Variants in PTPRS observed in about 807,000 individuals in gnomAD.
PTPRS encodes the protein receptor-type tyrosine-protein phosphatase S.
Under a neutral mutation model 215.3 loss-of-function variants are expected in PTPRS, and 63 were observed. The ratio of observed to expected loss-of-function variants is 0.29; its 90% CI spans 0.24 to 0.36. The LOEUF (loss-of-function observed/expected upper bound fraction) is 0.36, where lower values mean the gene tolerates loss of function less well. PTPRS is among the 10% of genes least tolerant of loss of function. PTPRS has a pLI of 1.00. For synonymous variants in PTPRS, 1,404 were observed against 1,191.4 expected (o/e 1.18, Z -3.68); for missense variants, 2,258 against 2,825.8 (o/e 0.80, Z 4.56).
intron 2 of PTPRS, among the ~76,000 whole-genome samples, chr19:5,275,721 G>C (rs1010822213): frequency 1.2e-4 from 18 of 152,174 alleles, no homozygotes; most frequent in Non-Finnish European, 4.4e-5. Flanking sequence ...CAGAAGAATT[G>C]CTTGAACCTG....
rs148127268 is a variant in PTPRS, at chr19:5,307,067, G to C, written c.-94-20833C>G. Among the ~76,000 whole-genome samples, 41 of 152,324 alleles carry C rather than the reference G, an allele frequency of 2.7e-4. No homozygotes were observed. In the East Asian group the frequency reaches 6.6e-3, roughly 24 times the overall value. On this transcript the variant is annotated intron_variant, in intron 1 of 37. Coordinates refer to ENST00000262963, the MANE Select transcript of PTPRS (RefSeq NM_002850.4). ...CGCCTGCAATCCCAGCACTTTGGGA[G>C]GCTGAGGCAGGAAGATCACCTGAGG... is the stretch of plus-strand genomic sequence containing the variant.
rs906445533 is a variant in PTPRS at position 5,218,308 on chromosome 19, C to G, written c.4048+112G>C. The G allele has an allele frequency of 3.0e-5, 26 of 858,144 alleles. No homozygotes were observed. In the Admixed American group the frequency reaches 5.6e-4, roughly 19 times the overall value. 53.2% of individuals were successfully genotyped at this position (858,144 alleles called of 1,614,324 possible). A position where few individuals can be genotyped will look rare whatever the true frequency, so the allele number is the denominator to read the frequency against. On this transcript the variant is annotated intron_variant, in intron 25 of 37. Transcript: ENST00000262963. ...TTTGGGAATCCAGAATGTGGCTGCACCAAGCATAGTTCAGAGGGGGCCAAT... is the reference window on the plus strand; with the variant it reads ...TTTGGGAATCCAGAATGTGGCTGCAGCAAGCATAGTTCAGAGGGGGCCAAT...
chr19:5,221,008 C>T lies in PTPRS; in HGVS notation c.3447G>A (p.Val1149=). 1 of 1,609,500 alleles carries T rather than the reference C, an allele frequency of 6.2e-7. No individual in the cohort carries two copies. Among genetic ancestry groups the T allele is most frequent in the Non-Finnish European group, 8.5e-7 (1 of 1,177,576 alleles). ...CATGGGGGTGAGCATACTGGACAGG[C>T]ACGGGGCTCTGGCCGTCAGGAAGAT... is the stretch of plus-strand genomic sequence containing the variant. ...MVYLPDGQSP[V]PVQSYFIVMV... The change falls in exon 20 of 38, where the codon GTG becomes GTA. Residue 1149 remains valine (V), a synonymous_variant. Transcript: ENST00000262963.
rs527605872 is a variant in PTPRS at position 5,218,845 on chromosome 19, A to G, written c.3924-47T>C. 4.4e-5 allele frequency: 68 copies of G among 1,558,726 alleles called. No homozygotes were observed. In the East Asian group the frequency reaches 7.2e-4, roughly 16 times the overall value. ...GGTGAGAAGGGGGAAAAAAAGAAGA[A>G]AGGTGAGGGTGTGCCGGCCATCAAG... On this transcript the variant is annotated intron_variant, in intron 23 of 37. Coordinates refer to ENST00000262963, the MANE Select transcript of PTPRS (RefSeq NM_002850.4).
chr19:5,272,019 T>A (rs2046953264), intron 4 of PTPRS, among the ~76,000 whole-genome samples: 1 of 152,118 alleles, frequency 6.6e-6, no homozygotes, highest in East Asian at 1.9e-4. Flanking sequence ...TGAGTCCCTG[T>A]ACTCAGCCCG....
In PTPRS at chr19:5,237,544, G is replaced by A. The variant is rs965469599; in HGVS notation, c.1849+1375C>T. ...ACGTGGATGTGCGTGCGTGGGCAGC[G>A]TGGCATGGTGGTGGCACGTGGTTTG... On this transcript the variant is annotated intron_variant, in intron 13 of 37. Coordinates refer to ENST00000262963, the MANE Select transcript of PTPRS (RefSeq NM_002850.4). This position sits in a 1 kb window ranked among gnomAD's most constrained non-coding sequence, Gnocchi z 4.2. Among the ~76,000 whole-genome samples the A allele has an allele frequency of 8.5e-5, 13 of 152,232 alleles. No individual in the cohort carries two copies. Among genetic ancestry groups the A allele is most frequent in the Admixed American group, 2.6e-4 (4 of 15,292 alleles).
chr19:5,325,385 G>A (rs1295188771), intron 1 of PTPRS, among the ~76,000 whole-genome samples: 3 of 152,260 alleles, frequency 2.0e-5, no homozygotes, highest in Non-Finnish European at 2.9e-5. Context: ...CTACGGAGTC[G>A]GGGGATATGA....
rs117555649 is a variant in PTPRS at position 5,330,448 on chromosome 19, C to T, written c.-95+10216G>A. Among the ~76,000 whole-genome samples, 1,178 of 152,272 alleles carry T rather than the reference C, an allele frequency of 7.7e-3. 12 individuals are homozygous for T. Among genetic ancestry groups the T allele is most frequent in the Non-Finnish European group, 0.013 (881 of 68,030 alleles). Reference sequence around the variant, plus strand: ...CCCCCACCACGGGGGACTTTCCGCCCGCTTGGGTTAGTTCTCCTCTGTTGC... The same window carrying T: ...CCCCCACCACGGGGGACTTTCCGCCTGCTTGGGTTAGTTCTCCTCTGTTGC... On this transcript the variant is annotated intron_variant, in intron 1 of 37. Transcript: ENST00000262963.
At chr19:5,291,546 C>G (rs1475659962) in intron 1 of PTPRS, among the ~76,000 whole-genome samples, 1 of 152,070 alleles carries the variant, frequency 6.6e-6, no homozygotes, top group Non-Finnish European at 1.5e-5. Flanking sequence ...CTCCTGTGCT[C>G]GCTGCTCTGG....
At chr19:5,305,343 G>A (rs1027123404) in intron 1 of PTPRS, among the ~76,000 whole-genome samples, 1 of 151,296 alleles carries the variant, frequency 6.6e-6, no homozygotes, top group Non-Finnish European at 1.5e-5. Context: ...GCCAGGAGTT[G>A]AAGACCAACT....
intron 1 of PTPRS, among the ~76,000 whole-genome samples, chr19:5,290,339 T>C (rs182009148): frequency 4.6e-5 from 7 of 152,218 alleles, no homozygotes; most frequent in African/African-American, 1.2e-4. Flanking sequence ...TGACTGTGTC[T>C]TTCTCTGGCC....
At chr19:5,285,483 T>TC (rs1177630568) in intron 2 of PTPRS, among the ~76,000 whole-genome samples, 6 of 152,220 alleles carry the variant, frequency 3.9e-5, no homozygotes, top group Non-Finnish European at 8.8e-5. Context: ...GAATGGCTTT[T>TC]CTATCGGCGA....
At chr19:5,265,343 G>A (rs1156513237) in intron 4 of PTPRS, 147 bp from the exon 5 acceptor site, 5 of 694,732 alleles carry the variant, frequency 7.2e-6, no homozygotes, top group Non-Finnish European at 1.2e-5. Context: ...TTTACAGCCA[G>A]TTCTCTCTCT....
intron 1 of PTPRS, chr19:5,292,761 C>T (rs1308563879): frequency 6.6e-6 from 1 of 152,286 alleles, no homozygotes; most frequent in East Asian, 1.9e-4. Context: ...TTGCCTCCTC[C>T]GCCTTCTGCG....
At chr19:5,297,179 G>A (rs2049161687) in intron 1 of PTPRS, among the ~76,000 whole-genome samples, 1 of 152,192 alleles carries the variant, frequency 6.6e-6, no homozygotes, top group East Asian at 1.9e-4. Context: ...ACACCCAGGA[G>A]GCGGCTGCCC....
chr19:5,323,562 A>C (rs2050088986), intron 1 of PTPRS, among the ~76,000 whole-genome samples: 1 of 152,256 alleles, frequency 6.6e-6, no homozygotes, highest in South Asian at 2.1e-4. Context: ...TTCCAGGCAG[A>C]GGGCACAGAC....
At chr19:5,283,903 A>G (rs539163277) in intron 2 of PTPRS, among the ~76,000 whole-genome samples, 12 of 151,982 alleles carry the variant, frequency 7.9e-5, no homozygotes, top group African/African-American at 2.9e-4. Flanking sequence ...TAAAAACTCC[A>G]TCTCTGTAAG....
At chr19:5,264,493 A>G (rs1299927010) in intron 5 of PTPRS, among the ~76,000 whole-genome samples, 1 of 152,134 alleles carries the variant, frequency 6.6e-6, no homozygotes, top group Non-Finnish European at 1.5e-5. Flanking sequence ...CTTTCTTTTC[A>G]GAGATGAGCG....
At chr19:5,303,290 C>T (rs75256164) in intron 1 of PTPRS, among the ~76,000 whole-genome samples, 6,695 of 152,092 alleles carry the variant, frequency 0.044, 515 homozygotes, top group African/African-American at 0.15. Flanking sequence ...TCAAGGAAAC[C>T]GAGGCACAAA....
Sources: allele counts gnomAD v4.1 joint callset (sites outside exome capture counted in the v4.1 genomes callset), GRCh38; gene constraint gnomAD v4.1.1; non-coding constraint Gnocchi (gnomAD v3.1); transcripts MANE v1.5; gene names NCBI Gene and HGNC (gene_info 2026-07-23, HGNC 2026-07-21).